Variants in TMEM132D observed in about 807,000 individuals in gnomAD.
The protein encoded by TMEM132D is transmembrane protein 132D, also known as mature OL transmembrane protein.
In TMEM132D, 21 loss-of-function variants were observed where a neutral mutation model predicts 62.3. The observed-to-expected ratio is 0.34, with a 90% CI of 0.24 to 0.49. TMEM132D has a LOEUF of 0.49. TMEM132D is among the 20% of genes least tolerant of loss of function. The pLI is 0.99. For missense variants in TMEM132D, 1,346 were observed against 1,402.8 expected (o/e 0.96, Z 0.65); for synonymous variants, 621 against 575.6 (o/e 1.08, Z -1.13).
intron 1 of TMEM132D, among the ~76,000 whole-genome samples, chr12:129,797,098 T>C (rs1413799718): frequency 2.0e-5 from 3 of 152,212 alleles, no homozygotes; most frequent in African/African-American, 7.2e-5. Context: ...TCACTTCATA[T>C]TTCAAAGTTC....
At chr12:129,530,588 C>T (rs1362300362) in intron 3 of TMEM132D, among the ~76,000 whole-genome samples, 1 of 152,176 alleles carries the variant, frequency 6.6e-6, no homozygotes, top group Non-Finnish European at 1.5e-5. Context: ...GTTCACTGTA[C>T]CATCAGAAAA....
intron 4 of TMEM132D, among the ~76,000 whole-genome samples, chr12:129,267,199 GA>G (rs1880720367): frequency 6.6e-6 from 1 of 152,024 alleles, no homozygotes; most frequent in Non-Finnish European, 1.5e-5. Context: ...TCAGGCAGGA[GA>G]AAGAAATAAA....
chr12:129,626,611 C>A (rs532432820), intron 2 of TMEM132D, among the ~76,000 whole-genome samples: 1 of 152,184 alleles, frequency 6.6e-6, no homozygotes, highest in East Asian at 1.9e-4. Flanking sequence ...GCACCTGCCA[C>A]CATGCCCCAC....
At chr12:129,562,884 A>C (rs1418335824) in intron 2 of TMEM132D, among the ~76,000 whole-genome samples, 2 of 152,208 alleles carry the variant, frequency 1.3e-5, no homozygotes, top group Non-Finnish European at 2.9e-5. Context: ...TCTCTGATTT[A>C]ATCTGCTTTG....
chr12:129,510,041 T>C (rs1251403239), intron 3 of TMEM132D, among the ~76,000 whole-genome samples: 1 of 152,174 alleles, frequency 6.6e-6, no homozygotes, highest in Non-Finnish European at 1.5e-5. Flanking sequence ...CTAATGAACC[T>C]CCAAACTATT....
At chr12:129,372,670 G>A (rs572603628) in intron 3 of TMEM132D, among the ~76,000 whole-genome samples, 33 of 151,950 alleles carry the variant, frequency 2.2e-4, no homozygotes, top group African/African-American at 7.5e-4. Flanking sequence ...TGCATGTGAG[G>A]GATCTAGGTT....
chr12:129,634,194 A>C (rs924074415), intron 2 of TMEM132D, among the ~76,000 whole-genome samples: 1 of 152,150 alleles, frequency 6.6e-6, no homozygotes, highest in Non-Finnish European at 1.5e-5. Context: ...TTGTCCAGGC[A>C]GGACACGGTG....
intron 3 of TMEM132D, among the ~76,000 whole-genome samples, chr12:129,389,733 G>T (rs76256377): frequency 0.015 from 2,226 of 152,294 alleles, 52 homozygotes; most frequent in African/African-American, 0.051. Context: ...CCTGTATGTG[G>T]TCTAGGGCTA....
chr12:129,087,907 C>T lies in TMEM132D; in HGVS notation c.1444-3205G>A, dbSNP rs1166954880. Among the ~76,000 whole-genome samples, 26 of 110,640 alleles carry T rather than the reference C, an allele frequency of 2.3e-4. 1 individual carries two copies. Among genetic ancestry groups the T allele is most frequent in the African/African-American group, 1.0e-3 (26 of 25,004 alleles). The allele number at this position is 110,640 out of a possible 152,430, so 72.6% of individuals were successfully genotyped here. On this transcript the variant is annotated intron_variant, in intron 5 of 8. Transcript: ENST00000422113. ...CCCTGACCGGGGTGTCCTCCCTGAC[C>T]GGGGTGTCCTCCCTGACCGGGTGTC... is the stretch of plus-strand genomic sequence containing the variant.
intron 4 of TMEM132D, among the ~76,000 whole-genome samples, chr12:129,304,597 A>G (rs576962227): frequency 6.7e-6 from 1 of 148,988 alleles, no homozygotes; most frequent in Admixed American, 6.7e-5. Flanking sequence ...GCTCTTTCCC[A>G]TTTATACGGC....
At chr12:129,717,163 G>A (rs938873672) in intron 1 of TMEM132D, among the ~76,000 whole-genome samples, 19 of 152,154 alleles carry the variant, frequency 1.2e-4, no homozygotes, top group Non-Finnish European at 5.9e-5. Context: ...AACCGTACAC[G>A]ACAGCCCTGC....
intron 2 of TMEM132D, among the ~76,000 whole-genome samples, chr12:129,618,218 C>A (rs1878973081): frequency 6.6e-6 from 1 of 152,254 alleles, no homozygotes; most frequent in Admixed American, 6.5e-5. Flanking sequence ...TGTGTGCTCA[C>A]TTGCTAATCT....
rs140069183 is a variant in TMEM132D at position 129,544,917 on chromosome 12, A to G, written c.969-13712T>C. Among the ~76,000 whole-genome samples the G allele has an allele frequency of 7.9e-4, 121 of 152,352 alleles. 1 individual carries two copies. In the East Asian group the frequency reaches 0.022, roughly 28 times the overall value. ...TCACAGACATCAGGGTGACTGAGTC[A>G]CAACACCGCACCAGCGACCTCAGGA... On this transcript the variant is annotated intron_variant, in intron 2 of 8. Transcript: ENST00000422113.
intron 2 of TMEM132D, among the ~76,000 whole-genome samples, chr12:129,599,838 T>C (rs1878439686): frequency 6.6e-6 from 1 of 152,220 alleles, no homozygotes; most frequent in Non-Finnish European, 1.5e-5. Context: ...AAATACTTTA[T>C]TGCTAAAACT....
chr12:129,284,446 C>T (rs1881238184), intron 4 of TMEM132D, among the ~76,000 whole-genome samples: 1 of 152,198 alleles, frequency 6.6e-6, no homozygotes, highest in Non-Finnish European at 1.5e-5. Flanking sequence ...TGTCTCTGAA[C>T]AAACTTGTAG....
intron 5 of TMEM132D, among the ~76,000 whole-genome samples, chr12:129,172,452 G>A (rs1877761768): frequency 1.3e-5 from 2 of 152,250 alleles, no homozygotes; most frequent in Admixed American, 6.5e-5. Context: ...GAGAGGCCTA[G>A]CTTTTGGCCT....
intron 3 of TMEM132D, among the ~76,000 whole-genome samples, chr12:129,385,265 C>T (rs1352748536): frequency 7.9e-5 from 12 of 151,636 alleles, no homozygotes; most frequent in Admixed American, 7.9e-4. Context: ...GCCACCATGC[C>T]CAGCTAATTT....
intron 2 of TMEM132D, among the ~76,000 whole-genome samples, chr12:129,593,769 C>T (rs1049954388): frequency 2.6e-4 from 40 of 152,158 alleles, no homozygotes; most frequent in African/African-American, 9.2e-4. Flanking sequence ...CCTTTTAAAG[C>T]ACTGGGAGGT....
At chr12:129,347,606 C>A (rs939313950) in intron 3 of TMEM132D, among the ~76,000 whole-genome samples, 1 of 152,054 alleles carries the variant, frequency 6.6e-6, no homozygotes, top group Non-Finnish European at 1.5e-5. Flanking sequence ...CCACAAAAAC[C>A]CTAGAGGAAA....
Sources: allele counts gnomAD v4.1 joint callset (sites outside exome capture counted in the v4.1 genomes callset), GRCh38; gene constraint gnomAD v4.1.1; transcripts MANE v1.5; gene names NCBI Gene and HGNC (gene_info 2026-07-23, HGNC 2026-07-21).